NKAIN2: variants seen among roughly 807,000 people sequenced by gnomAD.
NKAIN2 encodes the protein sodium/potassium transporting ATPase interacting 2, also known as sodium/potassium-transporting ATPase subunit beta-1-interacting protein 2.
A neutral mutation model predicts 32.6 loss-of-function variants in NKAIN2; 14 were observed. That is an observed-to-expected ratio of 0.43 (90% confidence interval 0.28 to 0.67). The LOEUF (loss-of-function observed/expected upper bound fraction) is 0.67. NKAIN2 is among the 30% of genes least tolerant of loss of function. NKAIN2 has a pLI of 0.17. For missense variants in NKAIN2, 198 were observed against 258.3 expected (o/e 0.77, Z 1.60); for synonymous variants, 80 against 87.2 (o/e 0.92, Z 0.46).
intron 5 of NKAIN2, among the ~76,000 whole-genome samples, chr6:124,810,030 T>C (rs182152441): frequency 1.7e-3 from 264 of 152,278 alleles, no homozygotes; most frequent in African/African-American, 6.0e-3. Context: ...TTTACACTGT[T>C]GGTGGGACTG....
intron 2 of NKAIN2, among the ~76,000 whole-genome samples, chr6:124,308,218 A>T (rs1484173516): frequency 6.8e-6 from 1 of 147,072 alleles, no homozygotes; most frequent in Non-Finnish European, 1.5e-5. Flanking sequence ...TTCAACTTCC[A>T]CTTACGAGTG....
intron 4 of NKAIN2, among the ~76,000 whole-genome samples, chr6:124,712,912 G>T (rs1322910530): frequency 1.3e-5 from 2 of 152,016 alleles, no homozygotes. Flanking sequence ...TAGAGATCAG[G>T]TTTTATGTTA....
intron 1 of NKAIN2, among the ~76,000 whole-genome samples, chr6:123,976,372 C>CATATATATATAT (rs60189624): frequency 2.7e-4 from 3 of 10,922 alleles, no homozygotes; most frequent in Admixed American, 2.7e-3. Flanking sequence ...TATATATTCC[C>CATATATATATAT]ATATATATAT....
intron 1 of NKAIN2, among the ~76,000 whole-genome samples, chr6:124,178,034 C>T (rs1305545403): frequency 4.1e-4 from 1 of 2,410 alleles, no homozygotes; most frequent in African/African-American, 8.5e-4. Context: ...CCGCCCGCCT[C>T]GGCCTCCCAA....
rs1435254618 is a variant in NKAIN2, at chr6:124,178,063, G to T, written c.55-104942G>T. Among the ~76,000 whole-genome samples the T allele has an allele frequency of 3.5e-3, 8 of 2,260 alleles. 4 individuals are homozygous for T. The highest frequency in any genetic ancestry group is 0.25 in the Middle Eastern group (2 of 8). 1.5% of individuals were successfully genotyped at this position (2,260 alleles called of 152,430 possible). On this transcript the variant is annotated intron_variant, in intron 1 of 6. Transcript: ENST00000368417. ...CTCCCAAAGTGCTGGGATTACAGGC[G>T]TGAGCCACCGCGCCCGGCCAATCTG... is the stretch of plus-strand genomic sequence containing the variant.
intron 1 of NKAIN2, among the ~76,000 whole-genome samples, chr6:123,885,945 T>A (rs116525607): frequency 0.013 from 1,805 of 136,498 alleles, 33 homozygotes; most frequent in African/African-American, 0.047. Flanking sequence ...AGAGCAATGA[T>A]CAAAAGAAAA....
At chr6:124,099,214 A>G (rs139820715) in intron 1 of NKAIN2, among the ~76,000 whole-genome samples, 15 of 152,294 alleles carry the variant, frequency 9.8e-5, no homozygotes, top group African/African-American at 3.6e-4. Context: ...TATCTAATAT[A>G]TGGCATGCCC....
At chr6:124,384,563 A>C (rs1772802836) in intron 3 of NKAIN2, among the ~76,000 whole-genome samples, 1 of 152,124 alleles carries the variant, frequency 6.6e-6, no homozygotes, top group South Asian at 2.1e-4. Context: ...AAGGCCTAAT[A>C]CTTATGGCTT....
chr6:124,664,781 G>A (rs1487469512), intron 4 of NKAIN2, among the ~76,000 whole-genome samples: 36 of 92,810 alleles, frequency 3.9e-4, no homozygotes, highest in African/African-American at 4.5e-4. Flanking sequence ...GCGACAGAGC[G>A]AGACTCCGTC....
chr6:124,009,022 A>G (rs1020280326), intron 1 of NKAIN2, among the ~76,000 whole-genome samples: 1 of 152,180 alleles, frequency 6.6e-6, no homozygotes, highest in Admixed American at 6.5e-5. Context: ...TACATTTTAT[A>G]TTACAATTAA....
intron 3 of NKAIN2, among the ~76,000 whole-genome samples, chr6:124,398,278 AAAAAGAT>A (rs1352866252): frequency 2.3e-3 from 321 of 140,458 alleles, no homozygotes; most frequent in African/African-American, 7.0e-3. Flanking sequence ...AAAAAAAAAA[AAAAAGAT>A]GAGCCCAAAT....
At chr6:124,796,592 T>A (rs1431498423) in intron 5 of NKAIN2, among the ~76,000 whole-genome samples, 4 of 152,232 alleles carry the variant, frequency 2.6e-5, no homozygotes, top group Admixed American at 6.5e-5. Context: ...GCCAGCTCCA[T>A]ACTCACTGCC....
rs539791913 is a variant in NKAIN2, at chr6:123,852,572, G to A, written c.54+48318G>A. ...TATCTGCAGTCCTGTGTTCATTGCA[G>A]CATTATTCACAATAGCCATAATGTG... On this transcript the variant is annotated intron_variant, in intron 1 of 6. Transcript: ENST00000368417. 5.3e-5 allele frequency among the ~76,000 whole-genome samples: 8 copies of A among 152,248 alleles called. No homozygotes were observed. The East Asian group carries it at 1.5e-3, about 29-fold the overall frequency.
At chr6:124,505,660 A>G (rs1214806123) in intron 3 of NKAIN2, among the ~76,000 whole-genome samples, 1 of 152,184 alleles carries the variant, frequency 6.6e-6, no homozygotes, top group Non-Finnish European at 1.5e-5. Context: ...ACAATACTGC[A>G]TCTATCTGAT....
At chr6:123,825,172 C>T (rs1774095656) in intron 1 of NKAIN2, among the ~76,000 whole-genome samples, 1 of 152,018 alleles carries the variant, frequency 6.6e-6, no homozygotes, top group Admixed American at 6.6e-5. Context: ...TCATGAGTGC[C>T]CTGCCGTCAT....
At chr6:124,612,747 G>C (rs1782739572) in intron 3 of NKAIN2, among the ~76,000 whole-genome samples, 1 of 152,136 alleles carries the variant, frequency 6.6e-6, no homozygotes. Context: ...TCCTAGGAAA[G>C]ATATAATCAC....
chr6:124,572,169 C>G (rs1781152444), intron 3 of NKAIN2, among the ~76,000 whole-genome samples: 1 of 152,180 alleles, frequency 6.6e-6, no homozygotes. Context: ...CATCCTTCCT[C>G]CATCTTTGTT....
chr6:124,385,912 G>T (rs1250835844), intron 3 of NKAIN2, among the ~76,000 whole-genome samples: 1 of 151,960 alleles, frequency 6.6e-6, no homozygotes, highest in Non-Finnish European at 1.5e-5. Context: ...AAAAAATATA[G>T]ACTTTATTTC....
chr6:124,385,109 G>A (rs1330319947), intron 3 of NKAIN2, among the ~76,000 whole-genome samples: 2 of 152,096 alleles, frequency 1.3e-5, no homozygotes, highest in East Asian at 3.9e-4. Context: ...TAGTATCATG[G>A]TGCCAAAAGT....
Sources: allele counts gnomAD v4.1 joint callset (sites outside exome capture counted in the v4.1 genomes callset), GRCh38; gene constraint gnomAD v4.1.1; transcripts MANE v1.5; gene names NCBI Gene and HGNC (gene_info 2026-07-23, HGNC 2026-07-21).